The following INHBA variants were observed in gnomAD, a reference collection of about 807,000 sequenced individuals.
The protein encoded by INHBA is inhibin subunit beta A.
Under a neutral mutation model 29.0 loss-of-function variants are expected in INHBA, and 1 was observed. The ratio of observed to expected loss-of-function variants is 0.03; its 90% CI spans 0.01 to 0.16. The LOEUF is 0.16. Among genes scored for constraint, INHBA ranks in the 10% least tolerant of loss-of-function variants. INHBA has a pLI of 1.00. For synonymous variants in INHBA, 242 were observed against 216.8 expected (o/e 1.12, Z -1.02); for missense variants, 376 against 545.4 (o/e 0.69, Z 3.09).
chr7:41,695,406 C>G (rs556349757), intron 2 of INHBA, among the ~76,000 whole-genome samples: 2 of 152,308 alleles, frequency 1.3e-5, no homozygotes, highest in Non-Finnish European at 2.9e-5. Context: ...GTATACACAA[C>G]TACCATTTAC....
chr7:41,703,766 AACAC>A (rs3030167), upstream of INHBA, among the ~76,000 whole-genome samples: 55 of 148,094 alleles, frequency 3.7e-4, no homozygotes, highest in East Asian at 3.8e-3. Context: ...TAACTAACCA[AACAC>A]ACACACACAC....
chr7:41,704,042 C>T (rs908557152), upstream of INHBA, among the ~76,000 whole-genome samples: 2 of 152,238 alleles, frequency 1.3e-5, no homozygotes, highest in Admixed American at 6.5e-5. Context: ...ACAGTTGAAG[C>T]ATAAGCCCAG....
At chr7:41,691,191 C>G (rs1014981001) in intron 2 of INHBA, 2 of 152,460 alleles carry the variant, frequency 1.3e-5, no homozygotes, top group African/African-American at 4.8e-5. Flanking sequence ...GGCCCCACCT[C>G]GCTGTGTAAG....
At chr7:41,699,686 T>C (rs979409835) in intron 2 of INHBA, among the ~76,000 whole-genome samples, 32 of 152,088 alleles carry the variant, frequency 2.1e-4, no homozygotes, top group Admixed American at 9.8e-4. Flanking sequence ...CCCCTCACAG[T>C]CTGCCTTCCA....
Position 41,690,068 on chromosome 7 carries a change from G to A in INHBA, c.863C>T (p.Ser288Leu), listed in dbSNP as rs1794466274. Residue 288 changes from serine to leucine, a missense_variant, in exon 3 of 3, where the codon TCG becomes TTG. By Grantham distance (145) the Ser-to-Leu change is moderately radical. Around this residue, in one of 4 missense-constraint regions of INHBA, gnomAD observed 253 missense variants for 313.4 expected, o/e 0.81. Coordinates refer to ENST00000242208, the MANE Select transcript of INHBA (RefSeq NM_002192.4). ...CTGCAGCATGAGGAAAGGTCTGTGC[G>A]ACTGCTCCTTTTCCTCATCTGCTCC... ...GAGADEEKEQ[S>L]HRPFLMLQAR... The A allele has an allele frequency of 2.5e-6, 4 of 1,613,904 alleles. No individual in the cohort carries two copies. The highest frequency in any genetic ancestry group is 2.7e-5 in the African/African-American group (2 of 75,026).
At chr7:41,699,941 T>TGCCC in intron 2 of INHBA, 46 bp downstream of exon 2, 1 of 118,748 alleles carries the variant, frequency 8.4e-6, no homozygotes, top group East Asian at 2.1e-4. Flanking sequence ...TATTTTACCC[T>TGCCC]CCCACCCCCC....
chr7:41,699,189 A>G (rs1278210803), intron 2 of INHBA, among the ~76,000 whole-genome samples: 1 of 152,232 alleles, frequency 6.6e-6, no homozygotes, highest in Non-Finnish European at 1.5e-5. Context: ...TTAAGGATTG[A>G]GTGAGTTCAG....
At position 41,690,338 on chromosome 7, in the gene INHBA, T is replaced by A. The variant is rs1345043414; in HGVS notation, c.593A>T (p.Lys198Met). ...GAGCAACAGTTCACTCCTCTCCCCCTTTAAGCCCACTTCCTCGGCCTCTTC... is the reference window on the plus strand; with the variant it reads ...GAGCAACAGTTCACTCCTCTCCCCCATTAAGCCCACTTCCTCGGCCTCTTC... Reference protein sequence around the residue: ...TGEEAEEVGLKGERSELLLSE... With the variant: ...TGEEAEEVGLMGERSELLLSE... The change falls in exon 3 of 3, where the codon AAG becomes ATG. Residue 198 changes from lysine to methionine, a missense_variant. Transcript: ENST00000242208. 6.2e-7 allele frequency: 1 copy of A among 1,613,932 alleles called. No homozygotes were observed. The highest frequency in any genetic ancestry group is 1.3e-5 in the African/African-American group (1 of 74,882).
chr7:41,692,244 AT>A (rs1248447083), intron 2 of INHBA: 1 of 152,144 alleles, frequency 6.6e-6, no homozygotes, highest in Non-Finnish European at 1.5e-5. Context: ...CTGTACATGT[AT>A]CCCATGCACA....
In INHBA at chr7:41,685,293, G is replaced by A. The variant is rs1794375113; in HGVS notation, c.*4357C>T. 1.3e-5 allele frequency: 2 copies of A among 152,030 alleles called. No homozygotes were observed. Among genetic ancestry groups the A allele is most frequent in the East Asian group, 1.9e-4 (1 of 5,178 alleles). The allele number at this position is 152,030 out of a possible 1,614,324, so 9.4% of individuals were successfully genotyped here. ...TAAACACATGAAAACATATCAAACT[G>A]TTATCTCTTTAAACATATTGTAAAT... On this transcript the variant is annotated 3_prime_UTR_variant, in exon 3 of 3. Coordinates refer to ENST00000242208, the MANE Select transcript of INHBA (RefSeq NM_002192.4).
intron 2 of INHBA, among the ~76,000 whole-genome samples, chr7:41,698,761 G>A (rs563781407): frequency 6.0e-4 from 92 of 152,254 alleles, no homozygotes; most frequent in African/African-American, 2.1e-3. Context: ...GGTCTTTCAT[G>A]GTTTTCTTGA....
At position 41,689,537 on chromosome 7, in the gene INHBA, T is replaced by C; in HGVS notation, c.*113A>G. Reference sequence around the variant, plus strand: ...TGTTTTTTTTTGTTTTTTTTTTTGTTTTGTTTTTAATTTCTATTTTTCTGG... The same window carrying C: ...TGTTTTTTTTTGTTTTTTTTTTTGTCTTGTTTTTAATTTCTATTTTTCTGG... On this transcript the variant is annotated 3_prime_UTR_variant, in exon 3 of 3. Coordinates refer to ENST00000242208, the MANE Select transcript of INHBA (RefSeq NM_002192.4). 1 of 845,506 alleles carries C rather than the reference T, an allele frequency of 1.2e-6. No homozygotes were observed. Among genetic ancestry groups the C allele is most frequent in the South Asian group, 4.0e-5 (1 of 24,866 alleles). The allele number at this position is 845,506 out of a possible 1,614,324, so 52.4% of individuals were successfully genotyped here. A position where few individuals can be genotyped will look rare whatever the true frequency, so the allele number is the denominator to read the frequency against.
chr7:41,694,525 G>T (rs1178911744), intron 2 of INHBA, among the ~76,000 whole-genome samples: 1 of 152,198 alleles, frequency 6.6e-6, no homozygotes, highest in Admixed American at 6.5e-5. Context: ...GCCGTGAGCA[G>T]GTTCTGCATT....
intron 2 of INHBA, chr7:41,691,857 T>C (rs1221257072): frequency 6.6e-6 from 1 of 152,210 alleles, no homozygotes; most frequent in Non-Finnish European, 1.5e-5. Flanking sequence ...TCTATTAAAT[T>C]AAGAGAGCCA....
At chr7:41,700,547 A>C in intron 1 of INHBA, 30 bp from the exon 2 acceptor site, 1 of 524,428 alleles carries the variant, frequency 1.9e-6, no homozygotes, top group South Asian at 4.3e-5. Context: ...TTTTCTGTGA[A>C]GTTTTGTTTG....
At chr7:41,703,782 C>A (rs907753797), upstream of INHBA, among the ~76,000 whole-genome samples, 4 of 151,090 alleles carry the variant, frequency 2.6e-5, no homozygotes, top group South Asian at 2.1e-4. Flanking sequence ...CACACACACA[C>A]ACACACACAC....
chr7:41,693,972 T>C (rs1175927686), intron 2 of INHBA: 2 of 152,176 alleles, frequency 1.3e-5, no homozygotes, highest in Non-Finnish European at 2.9e-5. Flanking sequence ...GCATGATATT[T>C]TATCAGGAAA....
intron 2 of INHBA, 102 bp downstream of exon 2, chr7:41,699,885 C>A (rs1794733468): frequency 1.2e-6 from 1 of 863,874 alleles, no homozygotes; most frequent in Non-Finnish European, 1.8e-6. Context: ...CAGGCAGTTT[C>A]CAGCTGAAGG....
intron 1 of INHBA, among the ~76,000 whole-genome samples, chr7:41,701,778 A>T (rs1794802627): frequency 6.6e-6 from 1 of 152,162 alleles, no homozygotes; most frequent in South Asian, 2.1e-4. Flanking sequence ...ATATTGGCAA[A>T]TTATTTTTCT....
Sources: gnomAD v4.1 joint callset for allele counts (sites outside exome capture counted in the v4.1 genomes callset) on GRCh38, gnomAD v4.1.1 for gene constraint, gnomAD v4.1.1 regional missense constraint, MANE v1.5 for transcripts, NCBI Gene and HGNC (gene_info 2026-07-23, HGNC 2026-07-21) for gene names.